Variants in RMDN2 observed in about 807,000 individuals in gnomAD.
RMDN2 encodes regulator of microtubule dynamics 2, also known as regulator of microtubule dynamics protein 2.
In RMDN2, 61 loss-of-function variants were observed where a neutral mutation model predicts 52.8. The ratio of observed to expected loss-of-function variants is 1.16; its 90% CI spans 0.94 to 1.43. The LOEUF (loss-of-function observed/expected upper bound fraction) is 1.43, where lower values mean the gene tolerates loss of function less well. Ranked by LOEUF, RMDN2 falls within the 40% of genes most tolerant of loss-of-function variation. The pLI is 0.00. For synonymous variants in RMDN2, 180 were observed against 153.1 expected (o/e 1.18, Z -1.30); for missense variants, 592 against 475.3 (o/e 1.25, Z -2.28).
chr2:38,057,234 C>G (rs1311532853), intron 10 of RMDN2, among the ~76,000 whole-genome samples: 1 of 152,222 alleles, frequency 6.6e-6, no homozygotes, highest in East Asian at 1.9e-4. Context: ...ATATTTCAGG[C>G]TTTGCAGGTG....
chr2:38,005,364 T>A lies in RMDN2; in HGVS notation c.1179+1148T>A, dbSNP rs369237022. The stretch of plus-strand genomic sequence containing the variant: ...TTCTCCACATCCTCTCCAGCACCTG[T>A]TGTTTCCTGACTTTTTAATGATTGC... On this transcript the variant is annotated intron_variant, in intron 10 of 10. Transcript: ENST00000354545. Among the ~76,000 whole-genome samples, 37 of 152,300 alleles carry A rather than the reference T, an allele frequency of 2.4e-4. No individual in the cohort carries two copies. The South Asian group carries it at 7.1e-3, about 29-fold the overall frequency.
At chr2:38,061,646 C>CACACACACACATACACACAT (rs1553393406) in intron 10 of RMDN2, among the ~76,000 whole-genome samples, 152 of 149,934 alleles carry the variant, frequency 1.0e-3, no homozygotes, top group South Asian at 3.6e-3. Context: ...CACACACACA[C>CACACACACACATACACACAT]ACACACATAC....
chr2:38,052,697 C>G (rs1337390086), intron 10 of RMDN2, among the ~76,000 whole-genome samples: 1 of 152,170 alleles, frequency 6.6e-6, no homozygotes, highest in Admixed American at 6.5e-5. Flanking sequence ...GGATGCTTAT[C>G]CTCAGACAAC....
At chr2:37,924,163 C>G (rs190543355), upstream of RMDN2, among the ~76,000 whole-genome samples, 1 of 152,176 alleles carries the variant, frequency 6.6e-6, no homozygotes, top group Non-Finnish European at 1.5e-5. Context: ...AATCCCTATC[C>G]GTAAACAGTA....
chr2:37,990,587 C>T (rs1558519241), intron 6 of RMDN2, among the ~76,000 whole-genome samples: 1 of 144,242 alleles, frequency 6.9e-6, no homozygotes, highest in African/African-American at 2.7e-5. Context: ...GTGTGACCAG[C>T]ACTAAGTAGT....
Position 38,023,977 on chromosome 2 carries a change from T to C in RMDN2, c.1713+19761T>C, listed in dbSNP as rs569237446. On this transcript the variant is annotated intron_variant, in intron 10 of 10. Transcript: ENST00000234195. Reference sequence around the variant, plus strand: ...CTGCAACCCCATTCCAAATAACAACTGATCTGCTTTCTGTCATTATACATT... The same window carrying C: ...CTGCAACCCCATTCCAAATAACAACCGATCTGCTTTCTGTCATTATACATT... Among the ~76,000 whole-genome samples the C allele has an allele frequency of 4.6e-5, 7 of 152,266 alleles. No individual in the cohort carries two copies. The East Asian group carries it at 1.3e-3, about 29-fold the overall frequency.
At chr2:37,976,819 A>T (rs984118994) in intron 4 of RMDN2, among the ~76,000 whole-genome samples, 1 of 152,124 alleles carries the variant, frequency 6.6e-6, no homozygotes, top group Non-Finnish European at 1.5e-5. Flanking sequence ...ACATTCATCA[A>T]TATTAAATAC....
chr2:37,991,036 T>G (rs995690773), intron 6 of RMDN2, among the ~76,000 whole-genome samples, 184 bp from the exon 7 acceptor site: 2 of 152,230 alleles, frequency 1.3e-5, no homozygotes, highest in African/African-American at 4.8e-5. Context: ...CAGTTCTGGT[T>G]CTGGTTGTAA....
At chr2:37,968,400 C>T (rs1414519692) in intron 2 of RMDN2, among the ~76,000 whole-genome samples, 1 of 146,248 alleles carries the variant, frequency 6.8e-6, no homozygotes, top group African/African-American at 2.6e-5. Flanking sequence ...GATCACACCA[C>T]TGCCCTCCAG....
intron 2 of RMDN2, among the ~76,000 whole-genome samples, chr2:37,964,711 A>G (rs1670800635): frequency 6.6e-6 from 1 of 152,212 alleles, no homozygotes; most frequent in East Asian, 1.9e-4. Context: ...TTATAGGTCT[A>G]TAGTGATGTT....
At chr2:38,024,902 C>T (rs773636621) in intron 10 of RMDN2, among the ~76,000 whole-genome samples, 16 of 152,056 alleles carry the variant, frequency 1.1e-4, no homozygotes, top group Non-Finnish European at 2.2e-4. Context: ...TTATTGATCT[C>T]AACACCAATA....
At chr2:37,936,452 C>A (rs1212187452) in intron 2 of RMDN2, among the ~76,000 whole-genome samples, 1 of 152,144 alleles carries the variant, frequency 6.6e-6, no homozygotes, top group Non-Finnish European at 1.5e-5. Context: ...AGTTCTAGAT[C>A]CTTGAGGACT....
chr2:37,991,230 A>T lies in RMDN2; in HGVS notation c.878A>T (p.Asp293Val), dbSNP rs1270679118. ...GGATGCTTTTTTCAGGAACATCTAG[A>T]TATAGCAATCAAACTTTTACCAGAG... is the stretch of plus-strand genomic sequence containing the variant. ...NYGHLFKEHL[D>V]IAIKLLPEEP... Residue 293 changes from aspartate (D) to valine (V), a missense_variant, in exon 7 of 11, where the codon GAT (aspartate) becomes GTT (valine). Coordinates refer to ENST00000354545, the MANE Select transcript of RMDN2 (RefSeq NM_001170791.3). 6.3e-7 allele frequency: 1 copy of T among 1,583,344 alleles called. No homozygotes were observed. The highest frequency in any genetic ancestry group is 1.8e-5 in the Admixed American group (1 of 56,592).
chr2:37,981,308 T>G lies in RMDN2; in HGVS notation c.756T>G (p.Ile252Met). The change falls in exon 5 of 11, where the codon ATT becomes ATG. Residue 252 changes from isoleucine (I) to methionine (M), a missense_variant. Physicochemically the swap from Ile to Met is conservative, Grantham distance 10. Coordinates refer to ENST00000354545, the MANE Select transcript of RMDN2 (RefSeq NM_001170791.3). The stretch of plus-strand genomic sequence containing the variant: ...GAAAAACTTTAAGTGAAAGAGCTAT[T>G]AATAGAGCACCCATGAATGGACATT... ...NIGKTLSERA[I>M]NRAPMNGHCH... 1 of 1,607,144 alleles carries G rather than the reference T, an allele frequency of 6.2e-7. No homozygotes were observed. The highest frequency in any genetic ancestry group is 8.5e-7 in the Non-Finnish European group (1 of 1,173,648).
At chr2:38,038,112 T>TC (rs1354291095) in intron 10 of RMDN2, among the ~76,000 whole-genome samples, 1 of 151,824 alleles carries the variant, frequency 6.6e-6, no homozygotes, top group Non-Finnish European at 1.5e-5. Flanking sequence ...CCCCATTCCT[T>TC]CCCCATCTAA....
intron 10 of RMDN2, among the ~76,000 whole-genome samples, chr2:38,040,928 G>A (rs941440422): frequency 3.9e-5 from 6 of 152,026 alleles, no homozygotes; most frequent in African/African-American, 1.5e-4. Context: ...TATAGATTGT[G>A]TACATATTTT....
At chr2:38,056,748 A>G (rs1363308974) in intron 10 of RMDN2, among the ~76,000 whole-genome samples, 1 of 152,238 alleles carries the variant, frequency 6.6e-6, no homozygotes, top group Non-Finnish European at 1.5e-5. Context: ...AAATGATATA[A>G]AATGATGGAG....
At chr2:38,049,798 G>A (rs1387332224) in intron 10 of RMDN2, among the ~76,000 whole-genome samples, 4 of 152,056 alleles carry the variant, frequency 2.6e-5, no homozygotes, top group Non-Finnish European at 4.4e-5. Flanking sequence ...CGAACTCCTG[G>A]TCTCAAGTGA....
At chr2:38,063,131 C>G (rs562813743) in intron 10 of RMDN2, among the ~76,000 whole-genome samples, 1 of 152,060 alleles carries the variant, frequency 6.6e-6, no homozygotes, top group Non-Finnish European at 1.5e-5. Flanking sequence ...GGGTATATAC[C>G]CAGTAATGGG....
Sources: gnomAD v4.1 joint callset for allele counts (sites outside exome capture counted in the v4.1 genomes callset) on GRCh38, gnomAD v4.1.1 for gene constraint, MANE v1.5 for transcripts, NCBI Gene and HGNC (gene_info 2026-07-23, HGNC 2026-07-21) for gene names.